The following TENM2 variants were observed in gnomAD, a reference collection of about 807,000 sequenced individuals.
The protein encoded by TENM2 is teneurin-2.
A neutral mutation model predicts 245.2 loss-of-function variants in TENM2; 52 were observed. That is an observed-to-expected ratio of 0.21 (90% CI 0.17 to 0.27). The LOEUF is 0.27. TENM2 is among the 10% of genes least tolerant of loss of function. TENM2 has a pLI of 1.00. For synonymous variants in TENM2, 1,363 were observed against 1,438.9 expected (o/e 0.95, Z 1.19); for missense variants, 3,046 against 3,666.8 (o/e 0.83, Z 4.37).
chr5:168,189,251 A>G (rs927982636), intron 13 of TENM2, among the ~76,000 whole-genome samples: 1 of 152,226 alleles, frequency 6.6e-6, no homozygotes, highest in Admixed American at 6.5e-5. Flanking sequence ...ACAGACATTC[A>G]GTTTGTAGCA....
chr5:167,941,615 G>A (rs2151770378), intron 3 of TENM2, among the ~76,000 whole-genome samples: 1 of 151,552 alleles, frequency 6.6e-6, no homozygotes, highest in South Asian at 2.1e-4. Context: ...GGGAGGCCAA[G>A]GTGGGAGGAT....
At chr5:167,849,753 A>C (rs1333986753) in intron 2 of TENM2, among the ~76,000 whole-genome samples, 1 of 152,142 alleles carries the variant, frequency 6.6e-6, no homozygotes, top group East Asian at 1.9e-4. Flanking sequence ...TTTTACCTAC[A>C]TTTTTACCTA....
At chr5:167,134,465 T>C in the TENM2 span, among the ~76,000 whole-genome samples, 2 of 152,226 alleles carry the variant, frequency 1.3e-5, no homozygotes, top group Non-Finnish European at 2.9e-5. Flanking sequence ...GGATTCATTA[T>C]TGGCAGTAGA....
intron 2 of TENM2, among the ~76,000 whole-genome samples, chr5:167,536,159 T>C (rs139944248): frequency 1.3e-5 from 2 of 152,282 alleles, no homozygotes; most frequent in East Asian, 3.9e-4. Context: ...GTAAATAGTC[T>C]AATAATAATA....
At chr5:167,680,780 T>G (rs1338758904) in intron 2 of TENM2, among the ~76,000 whole-genome samples, 3 of 152,214 alleles carry the variant, frequency 2.0e-5, no homozygotes, top group Non-Finnish European at 4.4e-5. Flanking sequence ...CATTCCAAAT[T>G]ACAATTGTTT....
At chr5:167,917,571 A>C (rs1308421557) in intron 3 of TENM2, among the ~76,000 whole-genome samples, 1 of 152,108 alleles carries the variant, frequency 6.6e-6, no homozygotes, top group Non-Finnish European at 1.5e-5. Flanking sequence ...CTTGCTTGTG[A>C]CCTTGAAAAC....
At chr5:167,693,633 CAA>C (rs35853452) in intron 2 of TENM2, among the ~76,000 whole-genome samples, 1,345 of 90,694 alleles carry the variant, frequency 0.015, 17 homozygotes, top group African/African-American at 0.04. Flanking sequence ...AATTTCTAGG[CAA>C]AAAAAAAAAA....
intron 2 of TENM2, among the ~76,000 whole-genome samples, chr5:167,569,507 C>T (rs1411838962): frequency 6.6e-6 from 1 of 152,110 alleles, no homozygotes; most frequent in Admixed American, 6.5e-5. Flanking sequence ...ATAAAAATAA[C>T]TAGAAGGTAG....
At chr5:167,144,297 A>C in the TENM2 span, among the ~76,000 whole-genome samples, 1 of 152,160 alleles carries the variant, frequency 6.6e-6, no homozygotes, top group Non-Finnish European at 1.5e-5. Flanking sequence ...TCTGAGGAGG[A>C]AAGCTCTGTG....
chr5:168,200,077 T>TG lies in TENM2; in HGVS notation c.3379dup (p.Asp1127GlyfsTer23). 1 of 1,613,914 alleles carries TG rather than the reference T, an allele frequency of 6.2e-7. No homozygotes were observed. Among genetic ancestry groups the TG allele is most frequent in the Non-Finnish European group, 8.5e-7 (1 of 1,179,844 alleles). On this transcript the variant is annotated frameshift_variant, in exon 17 of 29. Coordinates refer to ENST00000518659, the Ensembl canonical transcript of TENM2. LOFTEE classifies it high-confidence loss of function. ...TCCCAACCTGGCCTACACCTTCATC[T>TG]GGGACAAGACAGATGCGTATGGCCA...
intron 12 of TENM2, among the ~76,000 whole-genome samples, chr5:168,158,856 C>T (rs1354607103): frequency 2.1e-5 from 2 of 93,716 alleles, no homozygotes; most frequent in African/African-American, 3.8e-5. Context: ...TATATACACA[C>T]ACACACACAC....
At chr5:167,153,492 T>A in the TENM2 span, among the ~76,000 whole-genome samples, 1 of 151,970 alleles carries the variant, frequency 6.6e-6, no homozygotes, top group Non-Finnish European at 1.5e-5. Context: ...TCTTGCTGTC[T>A]CAGGGGTGGA....
intron 3 of TENM2, among the ~76,000 whole-genome samples, chr5:167,904,167 C>A (rs1775915125): frequency 6.6e-6 from 1 of 152,080 alleles, no homozygotes; most frequent in Admixed American, 6.5e-5. Flanking sequence ...AAATTGTTTC[C>A]CCTAAATTAG....
chr5:167,279,501 TTTCCTTCCTTCCTTTCCTTCC>T, the TENM2 span, among the ~76,000 whole-genome samples: 8 of 140,914 alleles, frequency 5.7e-5, no homozygotes, highest in Admixed American at 2.9e-4. Flanking sequence ...TTTCTCTTTC[TTTCCTTCCTTCCTTTCCTTCC>T]TTCCTTCCTT....
rs375055614 is a variant in TENM2, at chr5:167,823,537, A to G, written c.503-52449A>G. Among the ~76,000 whole-genome samples the G allele has an allele frequency of 5.3e-5, 8 of 152,290 alleles. No homozygotes were observed. In the South Asian group the frequency reaches 8.3e-4, roughly 16 times the overall value. On this transcript the variant is annotated intron_variant, in intron 2 of 28. Transcript: ENST00000518659. Reference sequence around the variant, plus strand: ...TATAAAACACAATGGAGATTTATGCAAGGGCAGTATTTTCTTTTGTGATGA... The same window carrying G: ...TATAAAACACAATGGAGATTTATGCGAGGGCAGTATTTTCTTTTGTGATGA...
rs111668185 is a variant in TENM2, at chr5:167,850,033, G to A, written c.503-25953G>A. On this transcript the variant is annotated intron_variant, in intron 2 of 28. Coordinates refer to ENST00000518659, the Ensembl canonical transcript of TENM2. ...CTCAACCTTCAACTCCTCTCTCCTC[G>A]CTGGAGGATGGGCTGAAAGTCCCAA... 7.2e-3 allele frequency among the ~76,000 whole-genome samples: 1,098 copies of A among 152,222 alleles called. 9 individuals carry two copies. Among genetic ancestry groups the A allele is most frequent in the African/African-American group, 0.025 (1,048 of 41,532 alleles).
At chr5:167,900,838 T>G (rs1156706370) in intron 3 of TENM2, among the ~76,000 whole-genome samples, 15 of 108,546 alleles carry the variant, frequency 1.4e-4, no homozygotes, top group African/African-American at 2.2e-4. Flanking sequence ...GGTGGGGGGG[T>G]GAGGTGGGAT....
intron 2 of TENM2, among the ~76,000 whole-genome samples, chr5:167,676,055 CAT>C (rs916805482): frequency 2.0e-5 from 3 of 152,018 alleles, no homozygotes; most frequent in Admixed American, 2.0e-4. Flanking sequence ...TTCAAGGAGC[CAT>C]ATTATCTAAG....
chr5:167,087,547 A>T, the TENM2 span, among the ~76,000 whole-genome samples: 1 of 152,192 alleles, frequency 6.6e-6, no homozygotes, highest in South Asian at 2.1e-4. Context: ...ACTTCCTCTG[A>T]CTTGTTCAGT....
Sources: allele counts gnomAD v4.1 joint callset (sites outside exome capture counted in the v4.1 genomes callset), GRCh38; gene constraint gnomAD v4.1.1; transcripts MANE v1.5; gene names NCBI Gene and HGNC (gene_info 2026-07-23, HGNC 2026-07-21).